Variants in SEMA3C observed in about 807,000 individuals in gnomAD.
SEMA3C encodes the protein semaphorin 3C, also known as semaphorin-3C.
SEMA3C carries 47 observed loss-of-function variants against 89.4 expected under a neutral mutation model. That is an observed-to-expected ratio of 0.53 (90% confidence interval 0.42 to 0.67). The LOEUF (loss-of-function observed/expected upper bound fraction) is 0.67. Among genes scored for constraint, SEMA3C ranks in the 30% least tolerant of loss-of-function variants. SEMA3C has a pLI of 0.00. For missense variants in SEMA3C, 839 were observed against 929.1 expected, an observed-to-expected ratio of 0.90 and a Z score of 1.26; for synonymous variants, 310 against 320.2, an observed-to-expected ratio of 0.97 and a Z score of 0.34.
intron 2 of SEMA3C, among the ~76,000 whole-genome samples, chr7:80,867,267 C>A (rs1790949728): frequency 6.6e-6 from 1 of 151,734 alleles, no homozygotes; most frequent in Non-Finnish European, 1.5e-5. Context: ...TCTATTTTTT[C>A]TTTTTAACTT....
At chr7:80,768,438 T>C (rs1199357559) in intron 12 of SEMA3C, among the ~76,000 whole-genome samples, 1 of 151,034 alleles carries the variant, frequency 6.6e-6, no homozygotes, top group Non-Finnish European at 1.5e-5. Flanking sequence ...GGTGTGAACC[T>C]GGGAGGCGGA....
intron 5 of SEMA3C, among the ~76,000 whole-genome samples, chr7:80,817,582 T>C (rs1456769549): frequency 6.7e-6 from 1 of 149,956 alleles, no homozygotes; most frequent in Non-Finnish European, 1.5e-5. Flanking sequence ...CAGGCTTAAG[T>C]AGCACAGGTG....
intron 4 of SEMA3C, among the ~76,000 whole-genome samples, chr7:80,824,590 C>T (rs73139734): frequency 6.6e-6 from 1 of 152,068 alleles, no homozygotes; most frequent in Non-Finnish European, 1.5e-5. Flanking sequence ...ACTACAAAAT[C>T]TATCAAACCT....
chr7:80,751,182 A>C (rs1787926612), intron 16 of SEMA3C, 87 bp downstream of exon 16: 2 of 1,085,064 alleles, frequency 1.8e-6, no homozygotes, highest in South Asian at 2.8e-5. Context: ...GAAACGCCTG[A>C]ATCTATGACA....
chr7:80,753,050 A>C (rs1211211887), intron 15 of SEMA3C, among the ~76,000 whole-genome samples: 1 of 152,226 alleles, frequency 6.6e-6, no homozygotes. Context: ...TTTCTAGCTA[A>C]AGAAAACACT....
intron 2 of SEMA3C, among the ~76,000 whole-genome samples, chr7:80,888,111 A>C (rs1353222964): frequency 6.6e-6 from 1 of 152,134 alleles, no homozygotes; most frequent in East Asian, 1.9e-4. Context: ...GTCTCTAGGC[A>C]ACTTAAAAAG....
chr7:80,787,176 G>C (rs1221926158), intron 12 of SEMA3C, among the ~76,000 whole-genome samples: 1 of 151,970 alleles, frequency 6.6e-6, no homozygotes, highest in Non-Finnish European at 1.5e-5. Context: ...GGTGGATCAC[G>C]TGATCAAGAG....
At chr7:80,789,217 A>T in intron 12 of SEMA3C, 89 bp downstream of exon 12, 1 of 1,019,190 alleles carries the variant, frequency 9.8e-7, no homozygotes, top group Non-Finnish European at 1.5e-6. Flanking sequence ...GAGTTTTTCT[A>T]GTTTCAAGAT....
intron 12 of SEMA3C, among the ~76,000 whole-genome samples, chr7:80,767,654 A>C (rs1788334095): frequency 6.6e-6 from 1 of 152,226 alleles, no homozygotes; most frequent in Non-Finnish European, 1.5e-5. Flanking sequence ...ATTATAACTA[A>C]ATTTATAATT....
rs1322106421 is a variant in SEMA3C at position 80,841,641 on chromosome 7, T to C, written c.104-12896A>G. ...GAATGATGGAGGACCACCCACAGCT[T>C]TCAGTAAGACAAACTATTTGATATT... On this transcript the variant is annotated intron_variant, in intron 2 of 17. Coordinates refer to ENST00000265361, the MANE Select transcript of SEMA3C (RefSeq NM_006379.5). 2.6e-5 allele frequency among the ~76,000 whole-genome samples: 4 copies of C among 152,096 alleles called. No homozygotes were observed. The East Asian group carries it at 7.7e-4, about 29-fold the overall frequency.
At chr7:80,886,503 A>G (rs928676917) in intron 2 of SEMA3C, among the ~76,000 whole-genome samples, 8 of 151,694 alleles carry the variant, frequency 5.3e-5, no homozygotes, top group Admixed American at 6.6e-5. Context: ...ACAGGCACGC[A>G]CCACCATACC....
At chr7:80,915,434 C>A (rs1004948875) in intron 2 of SEMA3C, among the ~76,000 whole-genome samples, 1 of 152,106 alleles carries the variant, frequency 6.6e-6, no homozygotes, top group Non-Finnish European at 1.5e-5. Context: ...AAAAGGACAG[C>A]CATTTGACTG....
chr7:80,789,537 A>G lies in SEMA3C; in HGVS notation c.1132-9T>C. ...AATGCTCCTCCTGGACACTAGAAAGAAAGTTTTAAAGAACCAAGTTAATAA... is the reference window on the plus strand; with the variant it reads ...AATGCTCCTCCTGGACACTAGAAAGGAAGTTTTAAAGAACCAAGTTAATAA... On this transcript the variant is annotated splice_polypyrimidine_tract_variant and intron_variant, in intron 11 of 17. Coordinates refer to ENST00000265361, the MANE Select transcript of SEMA3C (RefSeq NM_006379.5). The G allele has an allele frequency of 6.4e-7, 1 of 1,552,056 alleles. No homozygotes were observed. The highest frequency in any genetic ancestry group is 8.7e-7 in the Non-Finnish European group (1 of 1,145,404).
chr7:80,867,507 C>T lies in SEMA3C; in HGVS notation c.104-38762G>A, dbSNP rs542925280. On this transcript the variant is annotated intron_variant, in intron 2 of 17. Transcript: ENST00000265361. The stretch of plus-strand genomic sequence containing the variant: ...AAGTAGTGATGTTGTAAAGTTAACT[C>T]TGTCCTCTTTTTTCTTCAATGCTGA... 3.9e-5 allele frequency among the ~76,000 whole-genome samples: 6 copies of T among 152,250 alleles called. No individual in the cohort carries two copies. The South Asian group carries it at 1.0e-3, about 26-fold the overall frequency.
At chr7:80,794,033 A>C in intron 11 of SEMA3C, among the ~76,000 whole-genome samples, 1 of 152,080 alleles carries the variant, frequency 6.6e-6, no homozygotes, top group Non-Finnish European at 1.5e-5. Context: ...AAAAAATTAC[A>C]TAGTTGAAGA....
At chr7:80,817,955 T>C (rs184137388) in intron 5 of SEMA3C, among the ~76,000 whole-genome samples, 26 of 152,204 alleles carry the variant, frequency 1.7e-4, no homozygotes, top group Non-Finnish European at 2.8e-4. Flanking sequence ...CTTGAAATTA[T>C]AACATTTTTC....
rs1217373216 is a variant in SEMA3C, at chr7:80,743,221, T to C, written c.*1673A>G. On this transcript the variant is annotated 3_prime_UTR_variant, in exon 18 of 18. Transcript: ENST00000265361. ...TACACATTTGGAACAACAGATTTTT[T>C]AAAAAATGAAGTTTGGTGTTATGTC... 6.6e-6 allele frequency: 1 copy of C among 151,908 alleles called. No homozygotes were observed. The allele number at this position is 151,908 out of a possible 1,614,324, so 9.4% of individuals were successfully genotyped here. A position where few individuals can be genotyped will look rare whatever the true frequency, so the allele number is the denominator to read the frequency against.
intron 9 of SEMA3C, among the ~76,000 whole-genome samples, chr7:80,802,057 A>G (rs1027693745): frequency 2.0e-5 from 3 of 152,138 alleles, no homozygotes; most frequent in African/African-American, 7.2e-5. Flanking sequence ...AGTAAATATG[A>G]TGTGCCCTGG....
At position 80,916,626 on chromosome 7, in the gene SEMA3C, G is replaced by C. The variant is rs1445014182; in HGVS notation, c.103+53C>G. 4.6e-6 allele frequency: 7 copies of C among 1,512,498 alleles called. No homozygotes were observed. The South Asian group carries it at 6.2e-5, about 13-fold the overall frequency. The allele number at this position is 1,512,498 out of a possible 1,614,324, so 93.7% of individuals were successfully genotyped here. The stretch of plus-strand genomic sequence containing the variant: ...TTAATTTCTGAATCTGGATAAGGAA[G>C]ATAACAAAACTTAAAATAACATTTT... On this transcript the variant is annotated intron_variant, in intron 2 of 17. Transcript: ENST00000265361.
Sources: gnomAD v4.1 joint callset for allele counts (sites outside exome capture counted in the v4.1 genomes callset) on GRCh38, gnomAD v4.1.1 for gene constraint, MANE v1.5 for transcripts, NCBI Gene and HGNC (gene_info 2026-07-23, HGNC 2026-07-21) for gene names.